CCDC178: variants seen among roughly 807,000 people sequenced by gnomAD.
The protein encoded by CCDC178 is coiled-coil domain containing 178.
Under a neutral mutation model 117.4 loss-of-function variants are expected in CCDC178, and 126 were observed. The observed-to-expected ratio is 1.07, with a 90% CI of 0.93 to 1.24. The LOEUF is 1.24. CCDC178 is among the 50% of genes most tolerant of loss of function. CCDC178 has a pLI of 0.00. For synonymous variants in CCDC178, 283 were observed against 313.4 expected, an observed-to-expected ratio of 0.90 and a Z score of 1.02; for missense variants, 1,030 against 986.9, an observed-to-expected ratio of 1.04 and a Z score of -0.59.
chr18:33,415,848 A>G (rs1393932117), intron 2 of CCDC178, among the ~76,000 whole-genome samples: 1 of 152,182 alleles, frequency 6.6e-6, no homozygotes, highest in Non-Finnish European at 1.5e-5. Flanking sequence ...TATATGTAAA[A>G]CCAACATAAG....
intron 20 of CCDC178, among the ~76,000 whole-genome samples, chr18:33,126,683 C>G (rs1309415515): frequency 6.6e-6 from 1 of 151,786 alleles, no homozygotes; most frequent in South Asian, 2.1e-4. Context: ...GTTTTTGAGA[C>G]AGAGTCTCGC....
chr18:33,263,926 C>A (rs2059782517), intron 14 of CCDC178, among the ~76,000 whole-genome samples: 1 of 151,350 alleles, frequency 6.6e-6, no homozygotes, highest in Non-Finnish European at 1.5e-5. Flanking sequence ...AAAAAATAGC[C>A]AAGAATACAA....
chr18:33,234,694 T>C (rs898216928), intron 15 of CCDC178, among the ~76,000 whole-genome samples: 7 of 152,092 alleles, frequency 4.6e-5, no homozygotes, highest in Non-Finnish European at 7.4e-5. Flanking sequence ...CCTTATTAAT[T>C]TGAAAAACCA....
At chr18:33,005,485 T>C (rs1010050661) in intron 21 of CCDC178, among the ~76,000 whole-genome samples, 12 of 151,894 alleles carry the variant, frequency 7.9e-5, no homozygotes, top group Non-Finnish European at 1.5e-4. Flanking sequence ...GCATGGGGAA[T>C]AGGAGATGGT....
intron 12 of CCDC178, among the ~76,000 whole-genome samples, chr18:33,273,854 T>A (rs1208537156): frequency 6.6e-6 from 1 of 151,856 alleles, no homozygotes; most frequent in East Asian, 1.9e-4. Context: ...CAACCAAAGA[T>A]AAAATAGATA....
intron 11 of CCDC178, among the ~76,000 whole-genome samples, chr18:33,305,253 C>G (rs1347174763): frequency 6.6e-6 from 1 of 152,158 alleles, no homozygotes; most frequent in African/African-American, 2.4e-5. Flanking sequence ...TGCATTAGTC[C>G]TGACTCTGAG....
chr18:33,120,479 A>T (rs1234087601), intron 20 of CCDC178, among the ~76,000 whole-genome samples: 3 of 152,146 alleles, frequency 2.0e-5, no homozygotes, highest in Non-Finnish European at 2.9e-5. Flanking sequence ...AACCATAAGA[A>T]TGCAACTCAA....
chr18:33,178,788 A>C (rs942085859), intron 20 of CCDC178, among the ~76,000 whole-genome samples: 4 of 151,708 alleles, frequency 2.6e-5, no homozygotes. Context: ...TTAAATCAAA[A>C]TTTAGATCAA....
chr18:33,289,727 G>A (rs531083946), intron 12 of CCDC178, among the ~76,000 whole-genome samples: 2 of 151,926 alleles, frequency 1.3e-5, no homozygotes, highest in Non-Finnish European at 2.9e-5. Flanking sequence ...ATTAACCTGG[G>A]AATAAATATA....
intron 12 of CCDC178, among the ~76,000 whole-genome samples, chr18:33,279,593 A>G (rs924515238): frequency 4.6e-5 from 7 of 152,180 alleles, no homozygotes; most frequent in Non-Finnish European, 8.8e-5. Context: ...ACAGAATTGG[A>G]AAAAACTACT....
intron 21 of CCDC178, among the ~76,000 whole-genome samples, chr18:32,989,805 G>A (rs2055349893): frequency 6.6e-6 from 1 of 151,890 alleles, no homozygotes; most frequent in African/African-American, 2.4e-5. Flanking sequence ...AATGTAGTGA[G>A]ATAAGGAAAA....
rs559068438 is a variant in CCDC178, at chr18:33,072,781, C to A, written c.2388+19980G>T. Among the ~76,000 whole-genome samples the A allele has an allele frequency of 4.6e-5, 7 of 152,168 alleles. No individual in the cohort carries two copies. The South Asian group carries it at 1.5e-3, about 32-fold the overall frequency. On this transcript the variant is annotated intron_variant, in intron 21 of 22. Transcript: ENST00000383096. ...ACTTTTTCCTTGTATAAAGGTAGAA[C>A]AATTCCTCTAAAAGGTGCTTTCACT...
intron 22 of CCDC178, 74 bp from the exon 23 acceptor site, chr18:32,938,165 C>A: frequency 9.9e-7 from 1 of 1,014,000 alleles, no homozygotes. Context: ...ATTATGAAAT[C>A]ATACACATGG....
At chr18:33,086,783 A>G (rs769329312) in intron 21 of CCDC178, among the ~76,000 whole-genome samples, 2 of 152,016 alleles carry the variant, frequency 1.3e-5, no homozygotes, top group Non-Finnish European at 2.9e-5. Context: ...CCTCAGCTCT[A>G]TTGACATTTG....
At chr18:33,299,202 A>C (rs2062145061) in intron 11 of CCDC178, among the ~76,000 whole-genome samples, 1 of 152,162 alleles carries the variant, frequency 6.6e-6, no homozygotes, top group South Asian at 2.1e-4. Context: ...ACACTACCTG[A>C]CTACAAAGCT....
At position 33,174,818 on chromosome 18, in the gene CCDC178, T is replaced by TGG; in HGVS notation, c.2238+37077_2238+37078insCC. Among the ~76,000 whole-genome samples, 3 of 152,158 alleles carry TGG rather than the reference T, an allele frequency of 2.0e-5. No homozygotes were observed. The South Asian group carries it at 6.2e-4, about 32-fold the overall frequency. ...AGGAGTAACCTTATCTCTCCTTCTT[T>TGG]TTTCTTTTCATTAACCAACAATTCC... is the stretch of plus-strand genomic sequence containing the variant. On this transcript the variant is annotated intron_variant, in intron 20 of 22. Transcript: ENST00000383096.
At chr18:33,028,771 T>C (rs2056277520) in intron 21 of CCDC178, among the ~76,000 whole-genome samples, 1 of 151,838 alleles carries the variant, frequency 6.6e-6, no homozygotes, top group Non-Finnish European at 1.5e-5. Flanking sequence ...TTTATGTCTA[T>C]TAAGATGCTC....
In CCDC178 at chr18:33,348,912, C is replaced by G. The variant is rs765298066; in HGVS notation, c.435G>C (p.Glu145Asp). 3 of 1,609,978 alleles carry G rather than the reference C, an allele frequency of 1.9e-6. No homozygotes were observed. The highest frequency in any genetic ancestry group is 1.7e-5 in the Admixed American group (1 of 59,774). The part of the protein sequence containing the change: ...EDWSVTTPVK[E>D]VKPGEKRDEK... ...TACCTCTCTTTTCTCCTGGTTTGAC[C>G]TCTTTCACTGGTGTAGTTACACTCC... is the stretch of plus-strand genomic sequence containing the variant. The change falls in exon 8 of 23, where the codon GAG becomes GAC. Residue 145 changes from glutamate (E) to aspartate (D), a missense_variant. Transcript: ENST00000383096.
chr18:33,159,866 T>C (rs1331600052), intron 20 of CCDC178, among the ~76,000 whole-genome samples: 1 of 152,102 alleles, frequency 6.6e-6, no homozygotes, highest in East Asian at 1.9e-4. Context: ...ACTTAAATTA[T>C]CTTTTTGGGT....
Sources: allele counts gnomAD v4.1 joint callset (sites outside exome capture counted in the v4.1 genomes callset), GRCh38; gene constraint gnomAD v4.1.1; transcripts MANE v1.5; gene names NCBI Gene and HGNC (gene_info 2026-07-23, HGNC 2026-07-21).